Variants in TMTC2 observed in about 807,000 individuals in gnomAD.
TMTC2 encodes transmembrane O-mannosyltransferase targeting cadherins 2, also known as protein O-mannosyl-transferase TMTC2.
Under a neutral mutation model 82.4 loss-of-function variants are expected in TMTC2, and 43 were observed. The observed-to-expected ratio is 0.52, with a 90% CI of 0.41 to 0.67. The LOEUF (loss-of-function observed/expected upper bound fraction) is 0.67. Among genes scored for constraint, TMTC2 ranks in the 30% least tolerant of loss-of-function variants. The pLI, the probability that TMTC2 is intolerant of heterozygous loss-of-function variation, is 0.00. For synonymous variants in TMTC2, 408 were observed against 381.9 expected (o/e 1.07, Z -0.80); for missense variants, 919 against 1,012.4 (o/e 0.91, Z 1.25).
chr12:83,107,867 A>G (rs931541840), intron 11 of TMTC2, among the ~76,000 whole-genome samples: 2 of 152,124 alleles, frequency 1.3e-5, no homozygotes, highest in East Asian at 3.9e-4. Flanking sequence ...TCCCTGCCCA[A>G]ATCTCACGTT....
At chr12:82,819,497 CTTTTTTTTTTTT>C (rs766912583) in intron 1 of TMTC2, among the ~76,000 whole-genome samples, 10 of 118,248 alleles carry the variant, frequency 8.5e-5, no homozygotes, top group Admixed American at 8.5e-5. Flanking sequence ...TTCTCTCTTT[CTTTTTTTTTTTT>C]TTTTTTTTTG....
intron 11 of TMTC2, among the ~76,000 whole-genome samples, chr12:83,129,297 TA>T (rs1249770910): frequency 6.6e-6 from 1 of 152,166 alleles, no homozygotes; most frequent in African/African-American, 2.4e-5. Flanking sequence ...TGGGAGCGGT[TA>T]TCCCATGGTA....
chr12:83,098,401 C>T (rs1026012893), intron 11 of TMTC2, among the ~76,000 whole-genome samples: 4 of 152,184 alleles, frequency 2.6e-5, no homozygotes, highest in African/African-American at 9.7e-5. Flanking sequence ...CTTCATCTCT[C>T]TTTTCACTGC....
intron 4 of TMTC2, among the ~76,000 whole-genome samples, chr12:82,964,808 A>T (rs547995149): frequency 9.4e-4 from 143 of 152,204 alleles, no homozygotes; most frequent in African/African-American, 3.3e-3. Flanking sequence ...ATACCTCCTA[A>T]TACTTTCTAA....
intron 1 of TMTC2, among the ~76,000 whole-genome samples, chr12:82,778,161 A>G (rs1877695409): frequency 6.6e-6 from 1 of 152,138 alleles, no homozygotes; most frequent in African/African-American, 2.4e-5. Context: ...TTTTATGTAC[A>G]ATAGTCTCTC....
chr12:82,695,249 C>A (rs1023391825), intron 1 of TMTC2, among the ~76,000 whole-genome samples: 2 of 152,122 alleles, frequency 1.3e-5, no homozygotes, highest in Non-Finnish European at 2.9e-5. Flanking sequence ...TTATTTCTTA[C>A]CTAATAAGTT....
At chr12:82,815,114 T>G (rs1868615803) in intron 1 of TMTC2, among the ~76,000 whole-genome samples, 1 of 151,718 alleles carries the variant, frequency 6.6e-6, no homozygotes, top group African/African-American at 2.4e-5. Context: ...TTAAGGACTT[T>G]GTGTACAGTT....
At chr12:82,925,294 G>A (rs1242686164) in intron 3 of TMTC2, among the ~76,000 whole-genome samples, 1 of 152,162 alleles carries the variant, frequency 6.6e-6, no homozygotes, top group Non-Finnish European at 1.5e-5. Context: ...TCACATGGGT[G>A]GGAATTGACT....
intron 1 of TMTC2, among the ~76,000 whole-genome samples, chr12:82,850,989 G>C (rs943362226): frequency 6.6e-6 from 1 of 151,186 alleles, no homozygotes; most frequent in African/African-American, 2.4e-5. Context: ...ACTTGAACCC[G>C]GGAGGCAGAG....
At chr12:82,989,560 G>A (rs568967417) in intron 8 of TMTC2, among the ~76,000 whole-genome samples, 1 of 150,016 alleles carries the variant, frequency 6.7e-6, no homozygotes, top group South Asian at 2.1e-4. Flanking sequence ...TTGCCCACCT[G>A]CACCCCCCCC....
intron 11 of TMTC2, among the ~76,000 whole-genome samples, chr12:83,106,807 A>G (rs1382865843): frequency 6.6e-6 from 1 of 152,220 alleles, no homozygotes; most frequent in Non-Finnish European, 1.5e-5. Flanking sequence ...TTTCAAAATG[A>G]TGGTGAAATA....
chr12:83,034,272 C>T (rs1881573498), intron 9 of TMTC2, among the ~76,000 whole-genome samples: 2 of 151,974 alleles, frequency 1.3e-5, no homozygotes, highest in Admixed American at 6.6e-5. Flanking sequence ...TTTGAAATCT[C>T]TATGTTAATC....
intron 11 of TMTC2, among the ~76,000 whole-genome samples, chr12:83,080,520 G>A (rs922776129): frequency 1.6e-4 from 24 of 152,176 alleles, no homozygotes; most frequent in Middle Eastern, 3.4e-3. Flanking sequence ...CATCTGCACC[G>A]ATTAAACATT....
At position 83,009,393 on chromosome 12, in the gene TMTC2, G is replaced by A. The variant is rs141292797; in HGVS notation, c.2071-21405G>A. Among the ~76,000 whole-genome samples, 8 of 152,266 alleles carry A rather than the reference G, an allele frequency of 5.3e-5. No individual in the cohort carries two copies. In the East Asian group the frequency reaches 1.5e-3, roughly 29 times the overall value. ...ATAGTCTACCCTCAGCCTCCAGCAA[G>A]TTGTCAAAATTACTGTGTAAGTGTG... On this transcript the variant is annotated intron_variant, in intron 8 of 11. Transcript: ENST00000321196.
chr12:83,001,332 A>G (rs1796154), intron 8 of TMTC2, among the ~76,000 whole-genome samples: 116,455 of 152,012 alleles, frequency 0.77, 46,157 homozygotes, highest in South Asian at 0.93. Context: ...ATGCTTTGCT[A>G]CTTAGAAATG....
intron 4 of TMTC2, among the ~76,000 whole-genome samples, chr12:82,945,257 G>T (rs1425835761): frequency 6.6e-6 from 1 of 152,168 alleles, no homozygotes; most frequent in African/African-American, 2.4e-5. Flanking sequence ...TCTTACAAAC[G>T]TAGCTGCAAA....
chr12:82,719,224 G>A (rs1422481257), intron 1 of TMTC2, among the ~76,000 whole-genome samples: 3 of 148,850 alleles, frequency 2.0e-5, no homozygotes, highest in Non-Finnish European at 4.4e-5. Flanking sequence ...CTCCCAAGTA[G>A]CTGGGATTGC....
chr12:82,772,226 G>T (rs1479505265), intron 1 of TMTC2, among the ~76,000 whole-genome samples: 1 of 152,150 alleles, frequency 6.6e-6, no homozygotes, highest in Non-Finnish European at 1.5e-5. Flanking sequence ...CCAAAAGTTT[G>T]CCTTGCATGC....
chr12:82,889,154 G>A (rs944674586), intron 2 of TMTC2, among the ~76,000 whole-genome samples: 1 of 151,612 alleles, frequency 6.6e-6, no homozygotes, highest in Non-Finnish European at 1.5e-5. Context: ...GCACACATCT[G>A]TAATCCCAGC....
Sources: allele counts gnomAD v4.1 joint callset (sites outside exome capture counted in the v4.1 genomes callset), GRCh38; gene constraint gnomAD v4.1.1; transcripts MANE v1.5; gene names NCBI Gene and HGNC (gene_info 2026-07-23, HGNC 2026-07-21).